Variants in ALG12 observed in about 807,000 individuals in gnomAD.
ALG12 encodes the protein ALG12 alpha-1,6-mannosyltransferase, also known as dol-P-Man:Man(7)GlcNAc(2)-PP-Dol alpha-1,6-mannosyltransferase.
In ALG12, 36 loss-of-function variants were observed where a neutral mutation model predicts 46.0. That is an observed-to-expected ratio of 0.78 (90% confidence interval 0.60 to 1.03). The LOEUF (loss-of-function observed/expected upper bound fraction) is 1.03. ALG12 is among the 50% of genes least tolerant of loss of function. The probability of loss-of-function intolerance (pLI) is 0.00; values close to 1 mark genes in which losing one functional copy is unlikely to be tolerated. For missense variants in ALG12, 599 were observed against 633.5 expected (o/e 0.95, Z 0.58); for synonymous variants, 326 against 291.6 (o/e 1.12, Z -1.20).
the ALG12 span, among the ~76,000 whole-genome samples, chr22:49,891,017 G>A: frequency 4.0e-3 from 592 of 149,142 alleles, 2 homozygotes; most frequent in Non-Finnish European, 7.3e-3. Flanking sequence ...GCGACAGAGC[G>A]AGACTCCATC....
rs1396783738 is a variant in ALG12 at position 49,906,128 on chromosome 22, C to T, written c.992+1593G>A. On this transcript the variant is annotated intron_variant, in intron 7 of 9. Transcript: ENST00000330817. The surrounding 1 kb of genome is among the most constrained non-coding windows in gnomAD (Gnocchi z 4.4). ...AAGTTTGTCCTCCTCCGGATAAGGC[C>T]GACTGGCACAGCAGGGGCCCTTGCA... Among the ~76,000 whole-genome samples the T allele has an allele frequency of 2.6e-5, 4 of 152,140 alleles. No homozygotes were observed. The highest frequency in any genetic ancestry group is 5.9e-5 in the Non-Finnish European group (4 of 68,028).
the ALG12 span, among the ~76,000 whole-genome samples, chr22:49,894,322 G>A: frequency 2.6e-5 from 4 of 152,348 alleles, no homozygotes; most frequent in Middle Eastern, 3.4e-3. Context: ...ATAGGAAACA[G>A]AGGCAAATGG....
At chr22:49,910,738 A>G in intron 3 of ALG12, 131 bp from the exon 4 acceptor site, 2 of 1,105,452 alleles carry the variant, frequency 1.8e-6, no homozygotes, top group South Asian at 2.6e-5. Flanking sequence ...GCTGACGGCT[A>G]CGTCAGGCAA....
chr22:49,892,954 T>C, the ALG12 span, among the ~76,000 whole-genome samples: 6 of 152,208 alleles, frequency 3.9e-5, no homozygotes, highest in Non-Finnish European at 8.8e-5. Context: ...ACGGACTTTA[T>C]GATTTATACA....
downstream of ALG12, among the ~76,000 whole-genome samples, chr22:49,897,525 G>A (rs1224261522): frequency 6.6e-6 from 1 of 152,168 alleles, no homozygotes; most frequent in Non-Finnish European, 1.5e-5. Context: ...CCTAACAAGT[G>A]CGTAGTGGTG....
the ALG12 span, among the ~76,000 whole-genome samples, chr22:49,872,252 C>G: frequency 6.6e-6 from 1 of 152,310 alleles, no homozygotes; most frequent in South Asian, 2.1e-4. Context: ...AGCATCTCCA[C>G]CAGGAGTAGA....
chr22:49,890,650 GAC>G, the ALG12 span, among the ~76,000 whole-genome samples: 1 of 152,188 alleles, frequency 6.6e-6, no homozygotes, highest in Non-Finnish European at 1.5e-5. Flanking sequence ...CGTGGAGAAA[GAC>G]ACTGATGAGG....
chr22:49,915,776 G>A (rs1024024625), intron 1 of ALG12, among the ~76,000 whole-genome samples: 2 of 152,140 alleles, frequency 1.3e-5, no homozygotes, highest in African/African-American at 4.8e-5. Flanking sequence ...GAGGCCAGCC[G>A]CTGTGGCCTG....
At chr22:49,865,337 C>T in the ALG12 span, among the ~76,000 whole-genome samples, 1 of 152,032 alleles carries the variant, frequency 6.6e-6, no homozygotes, top group South Asian at 2.1e-4. Flanking sequence ...CTGTGCAGCA[C>T]GTGACTGTGT....
rs1341061095 is a variant in ALG12 at position 49,908,025 on chromosome 22, C to T, written c.769-81G>A. ...GGTGGCAGGGTCAAGGTGGAGAAGA[C>T]GCTTGAAGACAGTTGTGCTGAGAGA... On this transcript the variant is annotated intron_variant, in intron 6 of 9. Transcript: ENST00000330817. The T allele has an allele frequency of 2.1e-5, 29 of 1,393,998 alleles. No homozygotes were observed. In the East Asian group the frequency reaches 2.1e-4, roughly 10 times the overall value. The allele number at this position is 1,393,998 out of a possible 1,614,324, so 86.4% of individuals were successfully genotyped here. A position where few individuals can be genotyped will look rare whatever the true frequency, so the allele number is the denominator to read the frequency against.
At chr22:49,884,376 C>T in the ALG12 span, 3 of 1,612,876 alleles carry the variant, frequency 1.9e-6, no homozygotes, top group East Asian at 4.5e-5. Flanking sequence ...TCTCCTCTGA[C>T]ATGTCCGTTT....
downstream of ALG12, among the ~76,000 whole-genome samples, chr22:49,898,452 C>T (rs184428868): frequency 1.8e-4 from 27 of 151,642 alleles, no homozygotes; most frequent in Non-Finnish European, 3.5e-4. Context: ...TGCAGTGACA[C>T]GATCTCAGCT....
At chr22:49,892,945 C>T in the ALG12 span, among the ~76,000 whole-genome samples, 4 of 152,098 alleles carry the variant, frequency 2.6e-5, no homozygotes, top group South Asian at 4.1e-4. Context: ...TTTTCAGACA[C>T]GGACTTTATG....
At position 49,906,086 on chromosome 22, in the gene ALG12, C is replaced by A. The variant is rs572535088; in HGVS notation, c.993-1580G>T. ...GGGGGCCTTGCTCTACCCTGCACCC[C>A]CTCATTTGGACTCCCCAAGTTTGTC... On this transcript the variant is annotated intron_variant, in intron 7 of 9. Coordinates refer to ENST00000330817, the MANE Select transcript of ALG12 (RefSeq NM_024105.4). This position sits in a 1 kb window ranked among gnomAD's most constrained non-coding sequence, Gnocchi z 4.4. Among the ~76,000 whole-genome samples, 3 of 152,256 alleles carry A rather than the reference C, an allele frequency of 2.0e-5. No homozygotes were observed. In the South Asian group the frequency reaches 6.2e-4, roughly 32 times the overall value.
At chr22:49,887,817 C>T in the ALG12 span, 49 of 167,398 alleles carry the variant, frequency 2.9e-4, 1 homozygote, top group Non-Finnish European at 4.8e-4. Context: ...CAGGTTTCTG[C>T]ATTCAGGCTT....
chr22:49,892,427 T>C, the ALG12 span, among the ~76,000 whole-genome samples: 3 of 152,186 alleles, frequency 2.0e-5, no homozygotes, highest in Non-Finnish European at 4.4e-5. Context: ...CAAGCTGTCA[T>C]GTTGGCCAGG....
chr22:49,884,211 CT>C, the ALG12 span: 1 of 1,604,018 alleles, frequency 6.2e-7, no homozygotes, highest in Non-Finnish European at 8.5e-7. Flanking sequence ...CCTCGTTCCC[CT>C]CTCCCTCACT....
chr22:49,916,548 C>G (rs1305280476), intron 1 of ALG12, among the ~76,000 whole-genome samples: 1 of 152,170 alleles, frequency 6.6e-6, no homozygotes, highest in Non-Finnish European at 1.5e-5. Flanking sequence ...CCACTGTACT[C>G]CAGCCTGGAC....
Position 49,909,970 on chromosome 22 carries a change from C to T in ALG12, c.588G>A (p.Leu196=), listed in dbSNP as rs747762207. 1.1e-5 allele frequency: 17 copies of T among 1,614,052 alleles called. No homozygotes were observed. The South Asian group carries it at 1.8e-4, about 17-fold the overall frequency. The change falls in exon 5 of 10, where the codon CTG becomes CTA. Residue 196 remains leucine (L), a synonymous_variant. Coordinates refer to ENST00000330817, the MANE Select transcript of ALG12 (RefSeq NM_024105.4). ...AAACCTTTCGGTTGCCCAAGGCCAGCAGCAGCAGGAGGCCCAGGAACAGGC... is the reference window on the plus strand; with the variant it reads ...AAACCTTTCGGTTGCCCAAGGCCAGTAGCAGCAGGAGGCCCAGGAACAGGC... ...ELCLFLGLLL[L]LALGNRKVSV...
Sources: gnomAD v4.1 joint callset for allele counts (sites outside exome capture counted in the v4.1 genomes callset) on GRCh38, gnomAD v4.1.1 for gene constraint, Gnocchi (gnomAD v3.1) non-coding constraint, MANE v1.5 for transcripts, NCBI Gene and HGNC (gene_info 2026-07-23, HGNC 2026-07-21) for gene names.